SH3GL2: variants seen among roughly 807,000 people sequenced by gnomAD.
SH3GL2 encodes the protein endophilin-A1.
In SH3GL2, 24 loss-of-function variants were observed where a neutral mutation model predicts 46.0. That is an observed-to-expected ratio of 0.52 (90% CI 0.38 to 0.73). The LOEUF is 0.73. SH3GL2 is among the 30% of genes least tolerant of loss of function. SH3GL2 has a pLI of 0.00. For synonymous variants in SH3GL2, 196 were observed against 147.1 expected, an observed-to-expected ratio of 1.33 and a Z score of -2.40; for missense variants, 413 against 424.2, an observed-to-expected ratio of 0.97 and a Z score of 0.23.
intron 1 of SH3GL2, among the ~76,000 whole-genome samples, chr9:17,609,194 GGAAAT>G (rs766394005): frequency 6.6e-6 from 1 of 152,032 alleles, no homozygotes; most frequent in Non-Finnish European, 1.5e-5. Context: ...TTTTAGATGA[GGAAAT>G]AGAAATGCAG....
intron 1 of SH3GL2, among the ~76,000 whole-genome samples, chr9:17,680,186 A>G (rs919212883): frequency 3.3e-5 from 5 of 152,130 alleles, no homozygotes; most frequent in Admixed American, 2.6e-4. Context: ...ATTGATTCGA[A>G]TAGTTTCAGA....
chr9:17,683,561 A>T (rs766591670), intron 1 of SH3GL2, among the ~76,000 whole-genome samples: 2 of 151,606 alleles, frequency 1.3e-5, no homozygotes, highest in Non-Finnish European at 2.9e-5. Flanking sequence ...ACATTGTGGG[A>T]GGAGGTAGAT....
chr9:17,760,147 G>A (rs1231995131), intron 2 of SH3GL2, among the ~76,000 whole-genome samples: 1 of 152,072 alleles, frequency 6.6e-6, no homozygotes, highest in Admixed American at 6.5e-5. Context: ...TTTGAAATTT[G>A]AATCAATCAA....
At chr9:17,669,964 A>G (rs1820433316) in intron 1 of SH3GL2, among the ~76,000 whole-genome samples, 1 of 152,156 alleles carries the variant, frequency 6.6e-6, no homozygotes, top group South Asian at 2.1e-4. Context: ...CTGTAGTGAA[A>G]TACAGGAATT....
intron 1 of SH3GL2, among the ~76,000 whole-genome samples, chr9:17,612,124 G>T (rs921456140): frequency 6.6e-6 from 1 of 152,130 alleles, no homozygotes; most frequent in African/African-American, 2.4e-5. Flanking sequence ...GTCTGTATGG[G>T]GGAAAGTCCG....
intron 3 of SH3GL2, among the ~76,000 whole-genome samples, chr9:17,783,467 G>T (rs1823870145): frequency 6.6e-6 from 1 of 151,524 alleles, no homozygotes. Flanking sequence ...AACTCAGGCA[G>T]GGCTAGCAGA....
intron 1 of SH3GL2, among the ~76,000 whole-genome samples, chr9:17,685,359 G>A (rs1335827199): frequency 1.3e-5 from 2 of 152,074 alleles, no homozygotes; most frequent in Non-Finnish European, 2.9e-5. Flanking sequence ...TTGATTGGAT[G>A]AGGTCCCCCC....
intron 1 of SH3GL2, among the ~76,000 whole-genome samples, chr9:17,613,274 A>G (rs552834391): frequency 2.0e-5 from 3 of 152,326 alleles, no homozygotes; most frequent in Admixed American, 2.0e-4. Flanking sequence ...AGTATTTTCC[A>G]TTTGTAAAGT....
intron 1 of SH3GL2, among the ~76,000 whole-genome samples, chr9:17,680,516 CTCTTT>C (rs1820739527): frequency 6.6e-6 from 1 of 152,022 alleles, no homozygotes; most frequent in Non-Finnish European, 1.5e-5. Context: ...TGATTCTTCT[CTCTTT>C]TCTTCTTTAT....
At chr9:17,603,408 C>T (rs1301597468) in intron 1 of SH3GL2, among the ~76,000 whole-genome samples, 2 of 152,102 alleles carry the variant, frequency 1.3e-5, no homozygotes, top group African/African-American at 4.8e-5. Flanking sequence ...ACTCTGTGAT[C>T]CCACTTATAA....
chr9:17,690,394 G>A (rs781519601), intron 1 of SH3GL2, among the ~76,000 whole-genome samples: 6 of 152,202 alleles, frequency 3.9e-5, no homozygotes, highest in Admixed American at 1.3e-4. Flanking sequence ...ACTTCGTGCT[G>A]CAGCTCCCTT....
At position 17,721,526 on chromosome 9, in the gene SH3GL2, T is replaced by G. The variant is rs1478941798; in HGVS notation, c.46-25540T>G. Among the ~76,000 whole-genome samples the G allele has an allele frequency of 3.9e-5, 6 of 152,266 alleles. No individual in the cohort carries two copies. In the East Asian group the frequency reaches 1.2e-3, roughly 30 times the overall value. ...GTTGCTGTGTGTTCCATTAAATGAA[T>G]GTACCATACCATATTTTACTTAACC... On this transcript the variant is annotated intron_variant, in intron 1 of 8. Transcript: ENST00000380607.
intron 1 of SH3GL2, among the ~76,000 whole-genome samples, chr9:17,683,619 A>C (rs1470889175): frequency 1.3e-5 from 2 of 152,162 alleles, no homozygotes; most frequent in Non-Finnish European, 2.9e-5. Context: ...ATCCTGCCTA[A>C]GACTGAGGTT....
intron 1 of SH3GL2, among the ~76,000 whole-genome samples, chr9:17,618,606 T>C (rs1451498407): frequency 6.6e-6 from 1 of 152,250 alleles, no homozygotes; most frequent in Admixed American, 6.5e-5. Context: ...TTTGTGTGAA[T>C]GTTAATGCGC....
At chr9:17,746,238 G>A (rs1049832785) in intron 1 of SH3GL2, among the ~76,000 whole-genome samples, 3 of 152,226 alleles carry the variant, frequency 2.0e-5, no homozygotes, top group South Asian at 4.1e-4. Context: ...ACCACGCCCA[G>A]CTAATTTTTT....
At chr9:17,671,022 A>T (rs1463673855) in intron 1 of SH3GL2, among the ~76,000 whole-genome samples, 2 of 152,206 alleles carry the variant, frequency 1.3e-5, no homozygotes, top group African/African-American at 2.4e-5. Context: ...TATTAGTAGA[A>T]TGGCTTATGG....
rs978014270 is a variant in SH3GL2 at position 17,615,382 on chromosome 9, T to C, written c.45+36095T>C. ...TTAAAATTTCCCTTCATTGGCTGGG[T>C]GCGGTGGCTCATGCCTATAATCCCA... On this transcript the variant is annotated intron_variant, in intron 1 of 8. Transcript: ENST00000380607. 9.2e-5 allele frequency among the ~76,000 whole-genome samples: 14 copies of C among 152,232 alleles called. No individual in the cohort carries two copies. The East Asian group carries it at 1.2e-3, about 13-fold the overall frequency.
chr9:17,645,182 T>TTTTTTTTTTTTA (rs1819781790), intron 1 of SH3GL2, among the ~76,000 whole-genome samples: 5 of 72,758 alleles, frequency 6.9e-5, no homozygotes, highest in Non-Finnish European at 1.4e-4. Context: ...TTTTTTTTTT[T>TTTTTTTTTTTTA]GCTTTCCATT....
chr9:17,695,792 A>T (rs1047929227), intron 1 of SH3GL2, among the ~76,000 whole-genome samples: 3 of 151,986 alleles, frequency 2.0e-5, no homozygotes, highest in Admixed American at 2.0e-4. Context: ...TTAAAAATGG[A>T]AACATTGTGA....
Sources: gnomAD v4.1 joint callset for allele counts (sites outside exome capture counted in the v4.1 genomes callset) on GRCh38, gnomAD v4.1.1 for gene constraint, MANE v1.5 for transcripts, NCBI Gene and HGNC (gene_info 2026-07-23, HGNC 2026-07-21) for gene names.